Variants in DFFA observed in about 807,000 individuals in gnomAD.
The protein encoded by DFFA is DFF45.
DFFA carries 14 observed loss-of-function variants against 28.0 expected under a neutral mutation model. The observed-to-expected ratio is 0.50, with a 90% confidence interval of 0.33 to 0.78. The LOEUF (loss-of-function observed/expected upper bound fraction) is 0.78. Ranked by LOEUF, DFFA falls within the 30% of genes least tolerant of loss-of-function variation. DFFA has a pLI of 0.02. For synonymous variants in DFFA, 158 were observed against 170.3 expected (o/e 0.93, Z 0.56); for missense variants, 395 against 407.1 (o/e 0.97, Z 0.26).
rs1570100383 is a variant in DFFA, at chr1:10,461,436, T to G, written c.*54A>C. On this transcript the variant is annotated 3_prime_UTR_variant, in exon 6 of 6. Coordinates refer to ENST00000377038, the MANE Select transcript of DFFA (RefSeq NM_004401.3). ...GGTAGTCAAATGATGAGGCTGAGGG[T>G]GTCTACCAATAACACAACGCCACAG... is the stretch of plus-strand genomic sequence containing the variant. The G allele has an allele frequency of 1.3e-6, 2 of 1,562,972 alleles. No individual in the cohort carries two copies. Among genetic ancestry groups the G allele is most frequent in the Non-Finnish European group, 1.7e-6 (2 of 1,151,942 alleles).
intron 5 of DFFA, among the ~76,000 whole-genome samples, chr1:10,462,061 T>C (rs1358887853): frequency 1.3e-5 from 2 of 152,240 alleles, no homozygotes; most frequent in South Asian, 2.1e-4. Context: ...GGTTTCACCG[T>C]GTTCGCCAGG....
chr1:10,461,657 A>G lies in DFFA; in HGVS notation c.829T>C (p.Trp277Arg). 1 of 1,614,232 alleles carries G rather than the reference A, an allele frequency of 6.2e-7. No individual in the cohort carries two copies. The highest frequency in any genetic ancestry group is 8.5e-7 in the Non-Finnish European group (1 of 1,180,032). The change falls in exon 6 of 6, where the codon TGG becomes CGG. Residue 277 changes from tryptophan to arginine, a missense_variant. By Grantham distance (101) the Trp-to-Arg change is moderately radical (BLOSUM62 -3). Transcript: ENST00000377038. ...DPKALAVALN[W>R]DIKKTETVQE... ...ACAGTCTCCGTCTTCTTTATGTCCC[A>G]GTTCAAGGCAACAGCCAGTGCTTTG...
chr1:10,461,488 T>C lies in DFFA; in HGVS notation c.*2A>G, dbSNP rs1219085466. The stretch of plus-strand genomic sequence containing the variant: ...GCTTCCTTGGCACACTTCCCGCTGC[T>C]GCTATGTGGGATCCTGTCTGGCTCG... On this transcript the variant is annotated 3_prime_UTR_variant, in exon 6 of 6. Transcript: ENST00000377038. The C allele has an allele frequency of 1.2e-6, 2 of 1,613,238 alleles. No individual in the cohort carries two copies. Among genetic ancestry groups the C allele is most frequent in the East Asian group, 4.5e-5 (2 of 44,862 alleles).
Position 10,467,305 on chromosome 1 carries a change from T to G in DFFA, c.326A>C (p.Glu109Ala). 1 of 1,614,118 alleles carries G rather than the reference T, an allele frequency of 6.2e-7. No individual in the cohort carries two copies. The highest frequency in any genetic ancestry group is 8.5e-7 in the Non-Finnish European group (1 of 1,180,016). ...GTCTGTTTCATCTACATCAAAGGAC[T>G]CTTGGGAAATCCAAGCTGTACCTCC... ...SDGGTAWISQ[E>A]SFDVDETDSG... The change falls in exon 3 of 6, where the codon GAG (glutamate) becomes GCG (alanine). Residue 109 changes from glutamate (E) to alanine (A), a missense_variant. Coordinates refer to ENST00000377038, the MANE Select transcript of DFFA (RefSeq NM_004401.3).
intron 3 of DFFA, among the ~76,000 whole-genome samples, chr1:10,466,315 C>T (rs1284588937): frequency 4.6e-5 from 7 of 152,140 alleles, no homozygotes; most frequent in Non-Finnish European, 1.5e-5. Context: ...TCCCGAGTAG[C>T]TGGGACTACA....
chr1:10,466,484 T>C (rs920034512), intron 3 of DFFA, among the ~76,000 whole-genome samples: 3 of 151,432 alleles, frequency 2.0e-5, no homozygotes, highest in Admixed American at 6.6e-5. Flanking sequence ...CCACTGCACC[T>C]GGCCTATCCC....
At chr1:10,461,946 C>T (rs997301283) in intron 5 of DFFA, 1 of 783,038 alleles carries the variant, frequency 1.3e-6, no homozygotes, top group Non-Finnish European at 1.5e-6. Flanking sequence ...GCTCCGCCTC[C>T]CGGATTCACG....
chr1:10,470,938 C>CG (rs1641088908), intron 1 of DFFA, among the ~76,000 whole-genome samples: 2 of 150,436 alleles, frequency 1.3e-5, no homozygotes, highest in Non-Finnish European at 3.0e-5. Context: ...TGGTGGGCGC[C>CG]TGTAGTCCCA....
chr1:10,462,072 A>C lies in DFFA; in HGVS notation c.784-370T>G, dbSNP rs560907776. On this transcript the variant is annotated intron_variant, in intron 5 of 5. Transcript: ENST00000377038. ...ACGGGGTTTCACCGTGTTCGCCAGG[A>C]TGGTCTCGATCTCCTGACCTTGTGA... Among the ~76,000 whole-genome samples the C allele has an allele frequency of 2.9e-4, 44 of 152,120 alleles. No individual in the cohort carries two copies. The South Asian group carries it at 5.6e-3, about 19-fold the overall frequency.
At chr1:10,462,006 G>A (rs924047103) in intron 5 of DFFA, 12 of 261,604 alleles carry the variant, frequency 4.6e-5, no homozygotes, top group African/African-American at 1.8e-4. Flanking sequence ...AGGTGCCCAC[G>A]ACCACGCCTG....
chr1:10,467,121 C>T (rs973823200), intron 3 of DFFA, 69 bp downstream of exon 3: 2 of 1,577,980 alleles, frequency 1.3e-6, no homozygotes, highest in Non-Finnish European at 1.7e-6. Context: ...AGTATGGAAG[C>T]TAAGAAGGTG....
chr1:10,471,498 A>C (rs1350004068), intron 1 of DFFA, among the ~76,000 whole-genome samples: 1 of 152,200 alleles, frequency 6.6e-6, no homozygotes, highest in African/African-American at 2.4e-5. Context: ...AAGCATTTAT[A>C]ATGCTTTGGC....
At position 10,461,979 on chromosome 1, in the gene DFFA, T is replaced by C. The variant is rs551300586; in HGVS notation, c.784-277A>G. On this transcript the variant is annotated intron_variant, in intron 5 of 5. Coordinates refer to ENST00000377038, the MANE Select transcript of DFFA (RefSeq NM_004401.3). The stretch of plus-strand genomic sequence containing the variant: ...ACGCCATTCTCCTGCCTCAGCCCCC[T>C]GAGTAGCTGGGACTACAGGTGCCCA... The C allele has an allele frequency of 5.3e-5, 27 of 509,440 alleles. No homozygotes were observed. In the South Asian group the frequency reaches 2.0e-3, roughly 39 times the overall value. 31.6% of individuals were successfully genotyped at this position (509,440 alleles called of 1,614,324 possible). A position where few individuals can be genotyped will look rare whatever the true frequency, so the allele number is the denominator to read the frequency against.
At chr1:10,465,593 A>G (rs2124343619) in intron 3 of DFFA, among the ~76,000 whole-genome samples, 1 of 151,870 alleles carries the variant, frequency 6.6e-6, no homozygotes, top group East Asian at 1.9e-4. Context: ...GGGTTTCACC[A>G]TGTTTGCCAG....
At chr1:10,461,793 C>A in intron 5 of DFFA, 91 bp from the exon 6 acceptor site, 2 of 1,549,104 alleles carry the variant, frequency 1.3e-6, no homozygotes, top group Non-Finnish European at 1.7e-6. Context: ...TGCAATGAGG[C>A]AGTATCCGTT....
At chr1:10,467,074 T>A (rs1641033377) in intron 3 of DFFA, 116 bp downstream of exon 3, 1 of 1,246,768 alleles carries the variant, frequency 8.0e-7, no homozygotes, top group East Asian at 2.5e-5. Context: ...AAGAATTATT[T>A]AAAAATTAAG....
In DFFA at chr1:10,456,884, G is replaced by C. The variant is rs114972974; in HGVS notation, c.*4606C>G. 1 of 152,150 alleles carries C rather than the reference G, an allele frequency of 6.6e-6. No individual in the cohort carries two copies. Among genetic ancestry groups the C allele is most frequent in the Non-Finnish European group, 1.5e-5 (1 of 68,042 alleles). 9.4% of individuals were successfully genotyped at this position (152,150 alleles called of 1,614,324 possible). A position where few individuals can be genotyped will look rare whatever the true frequency, so the allele number is the denominator to read the frequency against. ...CCCTCTCTCACTCCTATTTTTAGAC[G>C]TATTGCTGCGCTCCTATGTGTCTAT... On this transcript the variant is annotated 3_prime_UTR_variant, in exon 6 of 6. Transcript: ENST00000377038.
At chr1:10,469,915 C>T (rs1208461281) in intron 1 of DFFA, among the ~76,000 whole-genome samples, 1 of 150,888 alleles carries the variant, frequency 6.6e-6, no homozygotes, top group East Asian at 1.9e-4. Flanking sequence ...CTCCCGGGTT[C>T]AAGCAACTCT....
Position 10,461,529 on chromosome 1 carries a change from G to C in DFFA, c.957C>G (p.Asp319Glu). ...ISASKASPPG[D>E]LQNPKRARQD... ...GTCTGGCTCGCTTAGGATTCTGCAG[G>C]TCACCAGGTGGTGAGGCCTTGCTTG... Residue 319 changes from aspartate to glutamate, a missense_variant, in exon 6 of 6, where the codon GAC (aspartate) becomes GAG (glutamate). By Grantham distance (45) the Asp-to-Glu change is conservative. Transcript: ENST00000377038. The C allele has an allele frequency of 6.2e-7, 1 of 1,614,056 alleles. No homozygotes were observed. Among genetic ancestry groups the C allele is most frequent in the Non-Finnish European group, 8.5e-7 (1 of 1,179,988 alleles).
Sources: gnomAD v4.1 joint callset for allele counts (sites outside exome capture counted in the v4.1 genomes callset) on GRCh38, gnomAD v4.1.1 for gene constraint, MANE v1.5 for transcripts, NCBI Gene and HGNC (gene_info 2026-07-23, HGNC 2026-07-21) for gene names.